ROPN1: variants seen among roughly 807,000 people sequenced by gnomAD.
ROPN1 encodes ropporin-1A.
ROPN1 carries 14 observed loss-of-function variants against 20.5 expected under a neutral mutation model. The ratio of observed to expected loss-of-function variants is 0.68; its 90% confidence interval spans 0.45 to 1.07. ROPN1 has a LOEUF of 1.07. Among genes scored for constraint, ROPN1 ranks in the 50% least tolerant of loss-of-function variants. The probability of loss-of-function intolerance (pLI) is 0.00; values close to 1 mark genes in which losing one functional copy is unlikely to be tolerated. For missense variants in ROPN1, 169 were observed against 242.8 expected, an observed-to-expected ratio of 0.70 and a Z score of 2.02; for synonymous variants, 76 against 95.7, an observed-to-expected ratio of 0.79 and a Z score of 1.20.
chr3:123,974,080 G>A (rs112741169), intron 4 of ROPN1, among the ~76,000 whole-genome samples: 186 of 152,294 alleles, frequency 1.2e-3, no homozygotes, highest in African/African-American at 4.2e-3. Context: ...TACTGCATCA[G>A]ACTAAAATTT....
chr3:123,973,557 T>G (rs1436162767), intron 4 of ROPN1, among the ~76,000 whole-genome samples: 3 of 152,116 alleles, frequency 2.0e-5, no homozygotes, highest in Non-Finnish European at 4.4e-5. Context: ...CTCTCCAGTT[T>G]GGGAGGCAGG....
chr3:123,982,227 TG>T (rs1392988612), intron 1 of ROPN1, among the ~76,000 whole-genome samples: 1 of 152,232 alleles, frequency 6.6e-6, no homozygotes, highest in Admixed American at 6.5e-5. Context: ...AAGCTTCAAT[TG>T]TTTTTGATAA....
At chr3:123,980,065 G>T in intron 2 of ROPN1, 1 of 510,178 alleles carries the variant, frequency 2.0e-6, no homozygotes, top group Non-Finnish European at 3.5e-6. Flanking sequence ...GGAGGAGGTG[G>T]GTGTGCATAC....
At chr3:123,988,530 C>G (rs1559828769) in intron 1 of ROPN1, among the ~76,000 whole-genome samples, 1 of 152,076 alleles carries the variant, frequency 6.6e-6, no homozygotes, top group Non-Finnish European at 1.5e-5. Context: ...TTTCCATTAC[C>G]ATTCCTGATG....
In ROPN1 at chr3:123,974,991, C is replaced by A. The variant is rs1210174084; in HGVS notation, c.396+388G>T. The A allele has an allele frequency of 3.1e-5, 9 of 286,110 alleles. No homozygotes were observed. The East Asian group carries it at 6.8e-4, about 22-fold the overall frequency. The allele number at this position is 286,110 out of a possible 1,614,324, so 17.7% of individuals were successfully genotyped here. On this transcript the variant is annotated intron_variant, in intron 4 of 5. Transcript: ENST00000405845. Reference sequence around the variant, plus strand: ...TTACATAGTTTTCGATAAGATTGTACCCCTTTTAAACAGTGTCTATTGATA... The same window carrying A: ...TTACATAGTTTTCGATAAGATTGTAACCCTTTTAAACAGTGTCTATTGATA...
At chr3:123,984,756 A>G (rs1342079612) in intron 1 of ROPN1, among the ~76,000 whole-genome samples, 1 of 152,216 alleles carries the variant, frequency 6.6e-6, no homozygotes, top group Non-Finnish European at 1.5e-5. Flanking sequence ...TCCAAAAAAA[A>G]AAATTATATA....
chr3:123,970,058 A>C lies in ROPN1; in HGVS notation c.556T>G (p.Tyr186Asp). 1 of 1,613,824 alleles carries C rather than the reference A, an allele frequency of 6.2e-7. No individual in the cohort carries two copies. Among genetic ancestry groups the C allele is most frequent in the Non-Finnish European group, 8.5e-7 (1 of 1,179,944 alleles). Residue 186 changes from tyrosine (Y) to aspartate (D), a missense_variant, in exon 5 of 6, where the codon TAC (tyrosine) becomes GAC (aspartate). Transcript: ENST00000405845. ...TTAACTTACACTTCCTGTTCCATGT[A>C]GTTTAGCATCCTGCTGACATGTGAT... ...SASHVSRMLNYMEQEVIGPDG... is the reference protein window; with the variant it reads ...SASHVSRMLNDMEQEVIGPDG...
chr3:123,979,757 G>A, intron 2 of ROPN1: 1 of 345,244 alleles, frequency 2.9e-6, no homozygotes, highest in South Asian at 2.2e-5. Flanking sequence ...TCTTTATGTT[G>A]GCAGAACAAA....
rs1272703186 is a variant in ROPN1 at position 123,969,219 on chromosome 3, A to C, written c.575T>G (p.Ile192Ser). The C allele has an allele frequency of 6.2e-7, 1 of 1,612,866 alleles. No homozygotes were observed. Among genetic ancestry groups the C allele is most frequent in the Admixed American group, 1.7e-5 (1 of 60,006 alleles). Reference protein sequence around the residue: ...RMLNYMEQEVIGPDGIITVND... With the variant: ...RMLNYMEQEVSGPDGIITVND... ...CACTGTGATTATACCATCAGGGCCA[A>C]TTCTGTTTGGAAAAAGGTATATCTG... is the stretch of plus-strand genomic sequence containing the variant. Residue 192 changes from isoleucine (I) to serine (S), a missense_variant and splice_region_variant, in exon 6 of 6, where the codon ATT (isoleucine) becomes AGT (serine). Physicochemically the swap from Ile to Ser is moderately radical, Grantham distance 142 (BLOSUM62 -2). Coordinates refer to ENST00000405845, the MANE Select transcript of ROPN1 (RefSeq NM_001317774.2).
chr3:123,987,784 C>A (rs1231327127), intron 1 of ROPN1, among the ~76,000 whole-genome samples: 3 of 152,186 alleles, frequency 2.0e-5, no homozygotes, highest in African/African-American at 7.2e-5. Context: ...GCTTTATTAG[C>A]AAATTTCCCA....
intron 1 of ROPN1, among the ~76,000 whole-genome samples, chr3:123,982,159 C>T (rs1022437012): frequency 6.6e-6 from 1 of 152,124 alleles, no homozygotes; most frequent in African/African-American, 2.4e-5. Context: ...TAGACATACT[C>T]ATGCCAGACA....
At chr3:123,981,573 CA>C (rs1265636879) in intron 1 of ROPN1, 1 of 153,832 alleles carries the variant, frequency 6.5e-6, no homozygotes, top group Admixed American at 6.5e-5. Flanking sequence ...CGCCTACAGG[CA>C]GGGGTAAGCA....
chr3:123,973,386 C>T (rs1447110762), intron 4 of ROPN1, among the ~76,000 whole-genome samples: 1 of 152,104 alleles, frequency 6.6e-6, no homozygotes, highest in Non-Finnish European at 1.5e-5. Context: ...TGGAGGAGCT[C>T]ACTGTTATTC....
intron 2 of ROPN1, 121 bp downstream of exon 2, chr3:123,980,245 A>G: frequency 1.2e-6 from 1 of 858,598 alleles, no homozygotes; most frequent in Non-Finnish European, 1.9e-6. Flanking sequence ...AAGAGCTAAA[A>G]CAAAGACGAT....
chr3:123,980,596 T>C (rs1577370060), intron 1 of ROPN1, 103 bp from the exon 2 acceptor site: 1 of 1,018,124 alleles, frequency 9.8e-7, no homozygotes, highest in Non-Finnish European at 1.4e-6. Flanking sequence ...ACACTCAATT[T>C]TGGGGACTCT....
chr3:123,990,803 A>G (rs1417440526), intron 1 of ROPN1, among the ~76,000 whole-genome samples: 3 of 152,228 alleles, frequency 2.0e-5, no homozygotes, highest in East Asian at 3.8e-4. Context: ...GGAGGCCAAC[A>G]TATACCTGCC....
chr3:123,977,099 G>T, intron 2 of ROPN1, 118 bp from the exon 3 acceptor site: 2 of 1,061,064 alleles, frequency 1.9e-6, no homozygotes, highest in Non-Finnish European at 2.7e-6. Context: ...CCTTTGTTAA[G>T]TGGCTTCTAT....
intron 1 of ROPN1, among the ~76,000 whole-genome samples, chr3:123,989,645 C>T (rs1036040872): frequency 5.9e-5 from 9 of 152,186 alleles, no homozygotes; most frequent in Non-Finnish European, 1.2e-4. Flanking sequence ...CTTTTGAGTG[C>T]CCAACTGCTG....
intron 5 of ROPN1, 35 bp from the exon 6 acceptor site, chr3:123,969,256 T>A (rs747588902): frequency 6.7e-7 from 1 of 1,492,442 alleles, no homozygotes; most frequent in South Asian, 1.1e-5. Flanking sequence ...AGTTAGTTCA[T>A]TGACAGTTAA....
Sources: gnomAD v4.1 joint callset for allele counts (sites outside exome capture counted in the v4.1 genomes callset) on GRCh38, gnomAD v4.1.1 for gene constraint, MANE v1.5 for transcripts, NCBI Gene and HGNC (gene_info 2026-07-23, HGNC 2026-07-21) for gene names.